The following ITPR2 variants were observed in gnomAD, a reference collection of about 807,000 sequenced individuals.
The protein encoded by ITPR2 is inositol 1,4,5-trisphosphate-gated calcium channel ITPR2.
In ITPR2, 207 loss-of-function variants were observed where a neutral mutation model predicts 317.1. That is an observed-to-expected ratio of 0.65 (90% CI 0.58 to 0.73). The LOEUF is 0.73. ITPR2 is among the 30% of genes least tolerant of loss of function. The pLI, the probability that ITPR2 is intolerant of heterozygous loss-of-function variation, is 0.00. For synonymous variants in ITPR2, 1,156 were observed against 1,149.1 expected (o/e 1.01, Z -0.12); for missense variants, 2,613 against 3,284.0 (o/e 0.80, Z 4.99).
In ITPR2 at chr12:26,513,288, GC is replaced by G. The variant is rs1943404522; in HGVS notation, c.5074-18029del. On this transcript the variant is annotated intron_variant, in intron 37 of 56. Transcript: ENST00000381340. ...GCCATTTCCATCCTGCATTTTAAAA[GC>G]CCTTGCTTAAATTCGAATTAAGATT... 1.3e-5 allele frequency among the ~76,000 whole-genome samples: 2 copies of G among 152,054 alleles called. 1 individual carries two copies. The highest frequency in any genetic ancestry group is 3.8e-4 in the East Asian group (2 of 5,196).
At chr12:26,364,911 G>A (rs1028177197) in intron 55 of ITPR2, among the ~76,000 whole-genome samples, 3 of 152,166 alleles carry the variant, frequency 2.0e-5, no homozygotes, top group Non-Finnish European at 2.9e-5. Flanking sequence ...GAGAGAGACT[G>A]TCTGGAGCAC....
intron 18 of ITPR2, among the ~76,000 whole-genome samples, chr12:26,657,063 C>G (rs372763094): frequency 1.8e-4 from 28 of 152,296 alleles, no homozygotes; most frequent in African/African-American, 6.7e-4. Context: ...CTGTAGAAAC[C>G]AGGGAGCACA....
At chr12:26,758,311 TAAC>T (rs553175673) in intron 2 of ITPR2, among the ~76,000 whole-genome samples, 146 of 152,368 alleles carry the variant, frequency 9.6e-4, no homozygotes, top group Non-Finnish European at 1.8e-3. Context: ...AATTTAGAAA[TAAC>T]AAAATACTAC....
At chr12:26,479,781 A>G (rs1027344564) in intron 43 of ITPR2, among the ~76,000 whole-genome samples, 1 of 152,216 alleles carries the variant, frequency 6.6e-6, no homozygotes, top group Admixed American at 6.5e-5. Flanking sequence ...CTTCTATTAA[A>G]AAAGCATTTA....
chr12:26,401,158 GGTAGAGATTGCAGT>G (rs1346802139), intron 52 of ITPR2, among the ~76,000 whole-genome samples: 4 of 152,012 alleles, frequency 2.6e-5, no homozygotes, highest in African/African-American at 4.8e-5. Context: ...GAACTCAGGA[GGTAGAGATTGCAGT>G]GAGCCAAGAT....
chr12:26,633,520 G>A (rs1056905119), intron 21 of ITPR2, among the ~76,000 whole-genome samples: 1 of 152,162 alleles, frequency 6.6e-6, no homozygotes, highest in Non-Finnish European at 1.5e-5. Flanking sequence ...CAAAAAACAC[G>A]ACAAAATGTA....
At chr12:26,407,590 A>T (rs1263220727) in intron 52 of ITPR2, among the ~76,000 whole-genome samples, 3 of 152,154 alleles carry the variant, frequency 2.0e-5, no homozygotes, top group Non-Finnish European at 2.9e-5. Flanking sequence ...AGAAAGGCTT[A>T]AAAAAATCTA....
chr12:26,671,039 T>C (rs1272783568), intron 13 of ITPR2, among the ~76,000 whole-genome samples: 3 of 151,976 alleles, frequency 2.0e-5, no homozygotes, highest in African/African-American at 2.4e-5. Flanking sequence ...CCAAGAAATA[T>C]GGGACTATGT....
intron 23 of ITPR2, 59 bp from the exon 24 acceptor site, chr12:26,624,415 G>C: frequency 8.5e-7 from 1 of 1,174,258 alleles, no homozygotes; most frequent in Non-Finnish European, 1.2e-6. Flanking sequence ...AGCCATAATA[G>C]TCATATTAAT....
At chr12:26,776,855 C>T (rs745524004) in intron 2 of ITPR2, among the ~76,000 whole-genome samples, 2 of 152,224 alleles carry the variant, frequency 1.3e-5, no homozygotes, top group Non-Finnish European at 2.9e-5. Context: ...TGCTTCTAGA[C>T]CTATAACTAG....
intron 1 of ITPR2, among the ~76,000 whole-genome samples, chr12:26,812,874 C>G (rs544478390): frequency 3.4e-4 from 51 of 152,232 alleles, no homozygotes; most frequent in Non-Finnish European, 5.9e-4. Context: ...CACTATCAAA[C>G]ATCTATTTAT....
intron 2 of ITPR2, among the ~76,000 whole-genome samples, chr12:26,775,737 T>C (rs1949948773): frequency 6.6e-6 from 1 of 151,768 alleles, no homozygotes; most frequent in Admixed American, 6.6e-5. Context: ...GTAGAAAAAC[T>C]TGAAAAGGCT....
intron 2 of ITPR2, among the ~76,000 whole-genome samples, chr12:26,775,961 C>CATATA (rs1555189746): frequency 2.0e-4 from 13 of 65,696 alleles, no homozygotes; most frequent in Non-Finnish European, 4.3e-4. Flanking sequence ...TATGTATATC[C>CATATA]TATTAGTTCT....
chr12:26,451,166 CA>C (rs1941731415), intron 45 of ITPR2, among the ~76,000 whole-genome samples: 1 of 152,096 alleles, frequency 6.6e-6, no homozygotes, highest in Non-Finnish European at 1.5e-5. Context: ...AAAGAAAGCA[CA>C]ACCAAGAGGA....
chr12:26,457,452 G>A (rs1941920008), intron 45 of ITPR2, among the ~76,000 whole-genome samples: 2 of 152,190 alleles, frequency 1.3e-5, no homozygotes, highest in African/African-American at 4.8e-5. Flanking sequence ...GAAACTGGAA[G>A]TATTAGAAGG....
At chr12:26,475,254 G>GT (rs1175976353) in intron 45 of ITPR2, 42 bp downstream of exon 45, 15 of 1,609,042 alleles carry the variant, frequency 9.3e-6, no homozygotes, top group Non-Finnish European at 1.3e-5. Flanking sequence ...AAACACGATT[G>GT]ATAGGATGAG....
chr12:26,601,165 T>G (rs1259452879), intron 28 of ITPR2, among the ~76,000 whole-genome samples: 1 of 152,292 alleles, frequency 6.6e-6, no homozygotes, highest in East Asian at 1.9e-4. Context: ...AATTTCCCCA[T>G]GTAGTTGATT....
At chr12:26,694,864 G>A (rs766323642) in intron 10 of ITPR2, among the ~76,000 whole-genome samples, 29 of 152,178 alleles carry the variant, frequency 1.9e-4, no homozygotes, top group Non-Finnish European at 2.9e-4. Flanking sequence ...CCAATTACCT[G>A]ATACTTCACA....
intron 20 of ITPR2, among the ~76,000 whole-genome samples, chr12:26,654,402 A>G (rs1453401162): frequency 2.0e-5 from 3 of 152,240 alleles, no homozygotes; most frequent in African/African-American, 7.2e-5. Context: ...TTAAACATTA[A>G]GTAATTTAAG....
Sources: gnomAD v4.1 joint callset for allele counts (sites outside exome capture counted in the v4.1 genomes callset) on GRCh38, gnomAD v4.1.1 for gene constraint, MANE v1.5 for transcripts, NCBI Gene and HGNC (gene_info 2026-07-23, HGNC 2026-07-21) for gene names.